The following PADI2 variants were observed in gnomAD, a reference collection of about 807,000 sequenced individuals.
The protein encoded by PADI2 is peptidyl arginine deiminase 2.
In PADI2, 70 loss-of-function variants were observed where a neutral mutation model predicts 81.1. The observed-to-expected ratio is 0.86, with a 90% confidence interval of 0.71 to 1.05. The LOEUF (loss-of-function observed/expected upper bound fraction) is 1.05, where lower values mean the gene tolerates loss of function less well. PADI2 is among the 50% of genes least tolerant of loss of function. The pLI, the probability that PADI2 is intolerant of heterozygous loss-of-function variation, is 0.00. For missense variants in PADI2, 853 were observed against 889.9 expected, an observed-to-expected ratio of 0.96 and a Z score of 0.53; for synonymous variants, 338 against 358.0, an observed-to-expected ratio of 0.94 and a Z score of 0.63.
chr1:17,114,557 G>T (rs74881636), intron 1 of PADI2, among the ~76,000 whole-genome samples: 1 of 152,110 alleles, frequency 6.6e-6, no homozygotes, highest in Non-Finnish European at 1.5e-5. Context: ...TTACATGTCC[G>T]TGAGATGAGC....
At chr1:17,099,503 C>T (rs905834255) in intron 3 of PADI2, among the ~76,000 whole-genome samples, 2 of 152,118 alleles carry the variant, frequency 1.3e-5, no homozygotes, top group African/African-American at 4.8e-5. Flanking sequence ...GCTCAAACCC[C>T]TTATTTTATA....
In PADI2 at chr1:17,115,277, G is replaced by A. The variant is rs1931716284; in HGVS notation, c.92+4003C>T. Among the ~76,000 whole-genome samples the A allele has an allele frequency of 6.6e-6, 1 of 152,236 alleles. No individual in the cohort carries two copies. Among genetic ancestry groups the A allele is most frequent in the Non-Finnish European group, 1.5e-5 (1 of 68,040 alleles). On this transcript the variant is annotated intron_variant, in intron 1 of 15. Transcript: ENST00000375486. The surrounding 1 kb of genome is among the most constrained non-coding windows in gnomAD (Gnocchi z 4.1). ...CAGCCTCTGCCTTGGGGAATCCCAG[G>A]GAAGGGAATCCTCCCACCTCCACCT...
intron 2 of PADI2, among the ~76,000 whole-genome samples, chr1:17,103,490 C>T (rs766525207): frequency 2.0e-5 from 3 of 152,150 alleles, no homozygotes; most frequent in Non-Finnish European, 4.4e-5. Context: ...CTGGTCTCAG[C>T]CTCACCACTT....
intron 6 of PADI2, among the ~76,000 whole-genome samples, chr1:17,088,014 A>T (rs1243540106): frequency 6.6e-6 from 1 of 152,208 alleles, no homozygotes; most frequent in Non-Finnish European, 1.5e-5. Flanking sequence ...TCGGGGAGAC[A>T]GAGGTGGTCC....
intron 11 of PADI2, 120 bp from the exon 12 acceptor site, chr1:17,075,943 G>A: frequency 1.1e-6 from 1 of 900,854 alleles, no homozygotes; most frequent in Non-Finnish European, 1.8e-6. Context: ...AGAAGTCCCA[G>A]GAAGGAGACT....
At chr1:17,069,883 C>T (rs755217649) in intron 15 of PADI2, among the ~76,000 whole-genome samples, 6 of 152,158 alleles carry the variant, frequency 3.9e-5, no homozygotes, top group Non-Finnish European at 8.8e-5. Context: ...TCCCAGTATC[C>T]CAGTGAAGCA....
In PADI2 at chr1:17,092,415, G is replaced by A. The variant is rs532169977; in HGVS notation, c.648C>T (p.Tyr216=). 1.6e-5 allele frequency: 25 copies of A among 1,605,516 alleles called. No individual in the cohort carries two copies. Among genetic ancestry groups the A allele is most frequent in the African/African-American group, 1.2e-4 (9 of 73,778 alleles). The change falls in exon 6 of 16, where the codon TAC becomes TAT. Residue 216 remains tyrosine, a synonymous_variant. Transcript: ENST00000375486. ...MSDSDKVGVF[Y]VENPFFGQRY... ...TGGGCTGGGATCACTCACTCTCCAC[G>A]TAGAACACGCCCACTTTGTCTGAGT... is the stretch of plus-strand genomic sequence containing the variant.
chr1:17,100,047 G>A (rs562338045), intron 3 of PADI2, among the ~76,000 whole-genome samples: 10 of 147,784 alleles, frequency 6.8e-5, no homozygotes, highest in Non-Finnish European at 1.4e-4. Context: ...ATTGGGGTTG[G>A]GGGGGGGCTT....
At position 17,090,481 on chromosome 1, in the gene PADI2, C is replaced by T. The variant is rs116681834; in HGVS notation, c.655+1927G>A. Among the ~76,000 whole-genome samples, 1,110 of 152,304 alleles carry T rather than the reference C, an allele frequency of 7.3e-3. 8 individuals carry two copies. Among genetic ancestry groups the T allele is most frequent in the African/African-American group, 0.026 (1,070 of 41,564 alleles). ...TGACCCTACCAGGACACCTGACATT[C>T]GCTCATCCACAGGGGTGCCTGGAAT... On this transcript the variant is annotated intron_variant, in intron 6 of 15. Coordinates refer to ENST00000375486, the MANE Select transcript of PADI2 (RefSeq NM_007365.3).
In PADI2 at chr1:17,084,684, T is replaced by C. The variant is rs771593438; in HGVS notation, c.853A>G (p.Ile285Val). 2.7e-5 allele frequency: 42 copies of C among 1,558,816 alleles called. No homozygotes were observed. Among genetic ancestry groups the C allele is most frequent in the Admixed American group, 5.8e-5 (3 of 51,984 alleles). ...CGGAATATCACGGTGTCCGTGAAGA[T>C]GGGAGTCAGGGGAATGTCCTGGGTG... Reference protein sequence around the residue: ...YMAQDIPLTPIFTDTVIFRIA... With the variant: ...YMAQDIPLTPVFTDTVIFRIA... Residue 285 changes from isoleucine (I) to valine (V), a missense_variant, in exon 8 of 16, where the codon ATC (isoleucine) becomes GTC (valine). Ile to Val is a conservative substitution (Grantham distance 29). Transcript: ENST00000375486.
chr1:17,110,883 C>T (rs1200057156), intron 1 of PADI2, among the ~76,000 whole-genome samples: 1 of 152,022 alleles, frequency 6.6e-6, no homozygotes, highest in Non-Finnish European at 1.5e-5. Flanking sequence ...TGTTTCAGCA[C>T]CTGGCCTAGT....
intron 14 of PADI2, 74 bp downstream of exon 14, chr1:17,071,332 C>A (rs535749471): frequency 8.9e-7 from 1 of 1,119,644 alleles, no homozygotes; most frequent in South Asian, 1.3e-5. Flanking sequence ...TCTACGGAAG[C>A]CCCAAGGATG....
chr1:17,077,559 C>A (rs1245602143), intron 11 of PADI2, among the ~76,000 whole-genome samples: 1 of 152,192 alleles, frequency 6.6e-6, no homozygotes, highest in Non-Finnish European at 1.5e-5. Context: ...GAGACCTCTG[C>A]TATCTCCTTG....
chr1:17,118,729 A>T (rs932698580), intron 1 of PADI2, among the ~76,000 whole-genome samples: 2 of 152,128 alleles, frequency 1.3e-5, no homozygotes, highest in Non-Finnish European at 2.9e-5. Context: ...GTGCCTGGGG[A>T]CAAGCAACCA....
At chr1:17,097,030 G>A (rs766585252) in intron 3 of PADI2, among the ~76,000 whole-genome samples, 7 of 152,222 alleles carry the variant, frequency 4.6e-5, no homozygotes, top group Non-Finnish European at 7.4e-5. Flanking sequence ...CTTGGGAGGC[G>A]AAATTGCCTT....
At chr1:17,103,725 T>C (rs992527269) in intron 2 of PADI2, among the ~76,000 whole-genome samples, 16 of 151,538 alleles carry the variant, frequency 1.1e-4, no homozygotes, top group African/African-American at 3.4e-4. Context: ...GGAGGTGTGT[T>C]ATAAGGTGTA....
At chr1:17,077,676 G>A (rs1008827082) in intron 11 of PADI2, among the ~76,000 whole-genome samples, 10 of 152,204 alleles carry the variant, frequency 6.6e-5, no homozygotes, top group African/African-American at 2.4e-4. Flanking sequence ...GCCACTGAGT[G>A]GAGGGAGAAG....
chr1:17,082,243 C>A (rs1429432432), intron 10 of PADI2, among the ~76,000 whole-genome samples: 1 of 152,134 alleles, frequency 6.6e-6, no homozygotes, highest in Non-Finnish European at 1.5e-5. Flanking sequence ...ACTCATTTTG[C>A]TGCAATTTGG....
rs570957048 is a variant in PADI2 at position 17,104,905 on chromosome 1, C to T, written c.249G>A (p.Gln83=). The T allele has an allele frequency of 8.2e-5, 130 of 1,589,756 alleles. No homozygotes were observed. Among genetic ancestry groups the T allele is most frequent in the Non-Finnish European group, 9.9e-5 (116 of 1,168,782 alleles). ...TGTCACTGCTGGCCTCGGTGCTCGC[C>T]TGGCTCATGGTGACCCGCAGGGTGG... The part of the protein sequence containing the change: ...PSTTLRVTMS[Q]ASTEASSDKV... The change falls in exon 2 of 16, where the codon CAG becomes CAA. Residue 83 remains glutamine, a synonymous_variant. Transcript: ENST00000375486.
Sources: allele counts gnomAD v4.1 joint callset (sites outside exome capture counted in the v4.1 genomes callset), GRCh38; gene constraint gnomAD v4.1.1; non-coding constraint Gnocchi (gnomAD v3.1); transcripts MANE v1.5; gene names NCBI Gene and HGNC (gene_info 2026-07-23, HGNC 2026-07-21).